Variants in BTBD9 observed in about 807,000 individuals in gnomAD.
BTBD9 encodes BTB domain containing 9.
Under a neutral mutation model 64.3 loss-of-function variants are expected in BTBD9, and 49 were observed. The ratio of observed to expected loss-of-function variants is 0.76; its 90% CI spans 0.61 to 0.97. BTBD9 has a LOEUF of 0.97. Ranked by LOEUF, BTBD9 falls within the 50% of genes least tolerant of loss-of-function variation. The pLI, the probability that BTBD9 is intolerant of heterozygous loss-of-function variation, is 0.00. For missense variants in BTBD9, 598 were observed against 762.1 expected, an observed-to-expected ratio of 0.78 and a Z score of 2.53; for synonymous variants, 260 against 274.7, an observed-to-expected ratio of 0.95 and a Z score of 0.53.
At chr6:38,299,939 A>G (rs1762321324) in intron 7 of BTBD9, among the ~76,000 whole-genome samples, 1 of 152,232 alleles carries the variant, frequency 6.6e-6, no homozygotes. Context: ...GACCATGCCT[A>G]TGTCCTGAAT....
At chr6:38,435,047 A>T (rs150646295) in intron 6 of BTBD9, among the ~76,000 whole-genome samples, 7,480 of 151,864 alleles carry the variant, frequency 0.049, 281 homozygotes, top group Middle Eastern at 0.14. Context: ...ATACAAAATT[A>T]GCCAGGCATG....
chr6:38,526,474 G>A (rs1485425269), intron 6 of BTBD9, among the ~76,000 whole-genome samples: 2 of 152,216 alleles, frequency 1.3e-5, no homozygotes, highest in Non-Finnish European at 2.9e-5. Context: ...CCTACATGGA[G>A]TCCCCACTGG....
chr6:38,605,752 A>G (rs1237245089), intron 1 of BTBD9, among the ~76,000 whole-genome samples: 1 of 152,176 alleles, frequency 6.6e-6, no homozygotes, highest in African/African-American at 2.4e-5. Context: ...CAAGAGGTCG[A>G]GGCGGCAGTG....
chr6:38,375,927 G>GAA (rs1185155144), intron 6 of BTBD9, among the ~76,000 whole-genome samples: 9 of 140,170 alleles, frequency 6.4e-5, no homozygotes, highest in Non-Finnish European at 1.2e-4. Flanking sequence ...AAGAAAGAAA[G>GAA]AAAGAAAGAA....
At chr6:38,601,510 C>T (rs922681177) in intron 1 of BTBD9, among the ~76,000 whole-genome samples, 4 of 151,948 alleles carry the variant, frequency 2.6e-5, no homozygotes, top group Non-Finnish European at 5.9e-5. Flanking sequence ...GAGTTCAGGA[C>T]CCTGTCTCCA....
At chr6:38,470,002 A>G (rs1770575171) in intron 6 of BTBD9, among the ~76,000 whole-genome samples, 1 of 152,220 alleles carries the variant, frequency 6.6e-6, no homozygotes, top group Non-Finnish European at 1.5e-5. Flanking sequence ...TCAGAAAACA[A>G]AAGACATCAA....
intron 7 of BTBD9, among the ~76,000 whole-genome samples, chr6:38,317,961 G>A (rs1763086858): frequency 7.1e-6 from 1 of 140,762 alleles, no homozygotes; most frequent in Non-Finnish European, 1.5e-5. Context: ...TTGAGACAGA[G>A]CCTCGCTGTG....
chr6:38,295,572 T>G (rs1762130493), intron 7 of BTBD9, among the ~76,000 whole-genome samples: 1 of 152,218 alleles, frequency 6.6e-6, no homozygotes, highest in South Asian at 2.1e-4. Flanking sequence ...TGTTTGTTTC[T>G]TTAATCTATT....
At position 38,288,318 on chromosome 6, in the gene BTBD9, C is replaced by CTGGTG. The variant is rs1337019129; in HGVS notation, c.1407_1408insCACCA (p.Ala470HisfsTer13). The CTGGTG allele has an allele frequency of 1.2e-6, 2 of 1,614,108 alleles. No homozygotes were observed. Among genetic ancestry groups the CTGGTG allele is most frequent in the Non-Finnish European group, 1.7e-6 (2 of 1,179,986 alleles). ...GGTTGTGCCAACTGAACCACAATCGCACCACTTCCTAGCTGGTGACATGTG... is the reference window on the plus strand; with the variant it reads ...GGTTGTGCCAACTGAACCACAATCGCTGGTGACCACTTCCTAGCTGGTGACATGTG... On this transcript the variant is annotated frameshift_variant, in exon 8 of 11. Coordinates refer to ENST00000481247, the MANE Select transcript of BTBD9 (RefSeq NM_001099272.2). LOFTEE classifies it high-confidence loss of function.
At chr6:38,607,603 C>A (rs145892884) in intron 1 of BTBD9, among the ~76,000 whole-genome samples, 3 of 150,294 alleles carry the variant, frequency 2.0e-5, no homozygotes, top group Non-Finnish European at 3.0e-5. Context: ...CTGCTATTTG[C>A]CAATATGTTT....
intron 7 of BTBD9, among the ~76,000 whole-genome samples, chr6:38,292,837 T>C (rs935675624): frequency 2.6e-5 from 4 of 152,180 alleles, no homozygotes; most frequent in African/African-American, 9.7e-5. Flanking sequence ...GCTCTCCTCT[T>C]AGTTATTTCT....
intron 6 of BTBD9, among the ~76,000 whole-genome samples, chr6:38,444,540 A>G (rs1769185608): frequency 6.6e-6 from 1 of 152,180 alleles, no homozygotes; most frequent in Non-Finnish European, 1.5e-5. Context: ...AGTGATTACG[A>G]GCTTGGACTC....
intron 6 of BTBD9, among the ~76,000 whole-genome samples, chr6:38,460,460 A>G (rs1770026001): frequency 6.6e-6 from 1 of 152,236 alleles, no homozygotes; most frequent in African/African-American, 2.4e-5. Context: ...TTCCAAGAGA[A>G]AAAAGAATTT....
At chr6:38,191,107 C>T (rs1017456107) in intron 10 of BTBD9, among the ~76,000 whole-genome samples, 5 of 152,152 alleles carry the variant, frequency 3.3e-5, no homozygotes, top group Non-Finnish European at 7.4e-5. Flanking sequence ...TAGAAAAAAT[C>T]GGTTGGTTTA....
chr6:38,441,665 C>T (rs1769041326), intron 6 of BTBD9, among the ~76,000 whole-genome samples: 1 of 152,152 alleles, frequency 6.6e-6, no homozygotes, highest in South Asian at 2.1e-4. Context: ...GATCCTCCCA[C>T]CTTGGCCTCC....
intron 9 of BTBD9, among the ~76,000 whole-genome samples, chr6:38,211,066 T>G (rs1762815896): frequency 6.6e-6 from 1 of 152,202 alleles, no homozygotes; most frequent in African/African-American, 2.4e-5. Flanking sequence ...CTGAGCTCTT[T>G]AGGTACAAAG....
chr6:38,429,634 T>C (rs367893111), intron 6 of BTBD9, among the ~76,000 whole-genome samples: 4 of 152,068 alleles, frequency 2.6e-5, no homozygotes, highest in Admixed American at 1.3e-4. Context: ...ACAGTGTTGC[T>C]CCAATTTTCC....
intron 1 of BTBD9, among the ~76,000 whole-genome samples, chr6:38,608,196 T>G (rs1420321938): frequency 1.3e-5 from 2 of 152,308 alleles, no homozygotes; most frequent in Middle Eastern, 3.4e-3. Flanking sequence ...AAGTCATAGA[T>G]TGCAACTCTA....
intron 7 of BTBD9, among the ~76,000 whole-genome samples, chr6:38,289,826 A>G (rs1761888972): frequency 1.3e-5 from 2 of 152,172 alleles, no homozygotes; most frequent in Admixed American, 1.3e-4. Flanking sequence ...ATGGATGCTC[A>G]CTATGATGTA....
Sources: allele counts gnomAD v4.1 joint callset (sites outside exome capture counted in the v4.1 genomes callset), GRCh38; gene constraint gnomAD v4.1.1; transcripts MANE v1.5; gene names NCBI Gene and HGNC (gene_info 2026-07-23, HGNC 2026-07-21).